The following TRIM42 variants were observed in gnomAD, a reference collection of about 807,000 sequenced individuals.
TRIM42 encodes the protein tripartite motif-containing protein 42.
In TRIM42, 59 loss-of-function variants were observed where a neutral mutation model predicts 64.9. The observed-to-expected ratio is 0.91, with a 90% confidence interval of 0.74 to 1.13. The LOEUF (loss-of-function observed/expected upper bound fraction) is 1.13, where lower values mean the gene tolerates loss of function less well. TRIM42 is among the 50% of genes most tolerant of loss of function. The probability of loss-of-function intolerance (pLI) is 0.00; values close to 1 mark genes in which losing one functional copy is unlikely to be tolerated. For synonymous variants in TRIM42, 354 were observed against 346.3 expected, an observed-to-expected ratio of 1.02 and a Z score of -0.25; for missense variants, 878 against 929.5, an observed-to-expected ratio of 0.94 and a Z score of 0.72.
intron 2 of TRIM42, among the ~76,000 whole-genome samples, chr3:140,683,362 G>A (rs370285107): frequency 5.9e-5 from 9 of 152,250 alleles, no homozygotes; most frequent in East Asian, 3.9e-4. Flanking sequence ...TAACTTCCCC[G>A]TGCCTTGCTT....
intron 4 of TRIM42, among the ~76,000 whole-genome samples, chr3:140,695,083 AAAAATT>A (rs1174509481): frequency 6.6e-6 from 1 of 151,902 alleles, no homozygotes; most frequent in Non-Finnish European, 1.5e-5. Context: ...TGTCTCTACT[AAAAATT>A]AAAAAAAAGT....
At chr3:140,682,084 A>G (rs1422798375) in intron 1 of TRIM42, among the ~76,000 whole-genome samples, 1 of 152,194 alleles carries the variant, frequency 6.6e-6, no homozygotes, top group East Asian at 1.9e-4. Context: ...ACCAAGGCCT[A>G]GCTGACAACG....
chr3:140,697,587 G>A (rs1452109644), intron 4 of TRIM42, among the ~76,000 whole-genome samples: 1 of 152,132 alleles, frequency 6.6e-6, no homozygotes, highest in Admixed American at 6.5e-5. Flanking sequence ...ACCATGTAGT[G>A]AACCAGTTTT....
chr3:140,680,629 C>G, intron 1 of TRIM42: 1 of 966,260 alleles, frequency 1.0e-6, no homozygotes, highest in Non-Finnish European at 1.2e-6. Context: ...TCCATCCAGG[C>G]ACTACATGGA....
intron 2 of TRIM42, among the ~76,000 whole-genome samples, chr3:140,684,686 C>T (rs1250993779): frequency 1.3e-5 from 2 of 152,176 alleles, no homozygotes; most frequent in East Asian, 1.9e-4. Flanking sequence ...TTGGAACCAC[C>T]ACCAGGGAAG....
Position 140,682,967 on chromosome 3 carries a change from G to A in TRIM42, c.847G>A (p.Glu283Lys), listed in dbSNP as rs1250313209. Residue 283 changes from glutamate (E) to lysine (K), a missense_variant, in exon 2 of 5, where the codon GAG (glutamate) becomes AAG (lysine). Coordinates refer to ENST00000286349, the MANE Select transcript of TRIM42 (RefSeq NM_152616.5). ...QDHVFVDTSA[E>K]EQDEKICIHH... ...CCACGTCTTTGTGGACACCAGCGCC[G>A]AGGAACAGGACGAGAAGATCTGCAT... 4 of 1,614,202 alleles carry A rather than the reference G, an allele frequency of 2.5e-6. No individual in the cohort carries two copies. Among genetic ancestry groups the A allele is most frequent in the Non-Finnish European group, 3.4e-6 (4 of 1,180,044 alleles).
chr3:140,681,569 C>G (rs1313092587), intron 1 of TRIM42, among the ~76,000 whole-genome samples: 1 of 152,040 alleles, frequency 6.6e-6, no homozygotes, highest in African/African-American at 2.4e-5. Context: ...GCAGATCACA[C>G]AGGTTCTAGG....
intron 2 of TRIM42, among the ~76,000 whole-genome samples, chr3:140,684,529 GT>G (rs1988499700): frequency 6.6e-6 from 1 of 152,196 alleles, no homozygotes; most frequent in African/African-American, 2.4e-5. Flanking sequence ...GCACAGAAAG[GT>G]CCCATTGGAT....
chr3:140,700,867 A>T, intron 4 of TRIM42, 21 bp from the exon 5 acceptor site: 1 of 1,612,454 alleles, frequency 6.2e-7, no homozygotes, highest in Non-Finnish European at 8.5e-7. Context: ...GGGTGTCATG[A>T]CTCTTCGCTT....
chr3:140,686,314 T>C (rs779700355), intron 2 of TRIM42, among the ~76,000 whole-genome samples: 22 of 152,220 alleles, frequency 1.4e-4, no homozygotes, highest in Non-Finnish European at 2.5e-4. Context: ...CGGACCCTGG[T>C]AGTTTCCCTT....
intron 4 of TRIM42, among the ~76,000 whole-genome samples, chr3:140,693,754 A>G (rs1294419927): frequency 6.6e-6 from 1 of 152,212 alleles, no homozygotes; most frequent in Non-Finnish European, 1.5e-5. Flanking sequence ...AAGTGAAATA[A>G]CACCTTTTAT....
chr3:140,679,423 G>A (rs1482451049), intron 1 of TRIM42, among the ~76,000 whole-genome samples: 3 of 152,128 alleles, frequency 2.0e-5, no homozygotes, highest in Admixed American at 2.0e-4. Context: ...TCTTAGAAGC[G>A]GAAAGATGAC....
chr3:140,697,088 A>C (rs2107767947), intron 4 of TRIM42, among the ~76,000 whole-genome samples: 1 of 152,314 alleles, frequency 6.6e-6, no homozygotes, highest in East Asian at 1.9e-4. Flanking sequence ...ATAGGCATAA[A>C]ATGATATGTC....
intron 1 of TRIM42, among the ~76,000 whole-genome samples, chr3:140,681,533 A>G (rs968744018): frequency 1.3e-5 from 2 of 152,154 alleles, no homozygotes; most frequent in African/African-American, 4.8e-5. Context: ...GCCCAGATCC[A>G]TTACCATTAC....
intron 3 of TRIM42, among the ~76,000 whole-genome samples, chr3:140,689,936 CA>C (rs1941096517): frequency 6.6e-6 from 1 of 151,896 alleles, no homozygotes; most frequent in African/African-American, 2.4e-5. Flanking sequence ...TATACCTGGG[CA>C]TGGAAAATAG....
In TRIM42 at chr3:140,691,155, A is replaced by G. The variant is rs764067765; in HGVS notation, c.2048A>G (p.Asn683Ser). ...TACGTGTTTAAAGTTAGAGCCATCA[A>G]TGATAATGGTCCTGGGCAATGGAGT... is the stretch of plus-strand genomic sequence containing the variant. ...TEYVFKVRAI[N>S]DNGPGQWSDI... is the part of the protein sequence containing the mutation. Residue 683 changes from asparagine (N) to serine (S), a missense_variant, in exon 4 of 5, where the codon AAT (asparagine) becomes AGT (serine). By Grantham distance (46) the Asn-to-Ser change is conservative. Coordinates refer to ENST00000286349, the MANE Select transcript of TRIM42 (RefSeq NM_152616.5). 4.7e-5 allele frequency: 76 copies of G among 1,614,062 alleles called. No homozygotes were observed. The Admixed American group carries it at 4.8e-4, about 10-fold the overall frequency.
Position 140,678,158 on chromosome 3 carries a change from G to A in TRIM42, c.-72G>A. The A allele has an allele frequency of 7.3e-7, 1 of 1,371,434 alleles. No homozygotes were observed. Among genetic ancestry groups the A allele is most frequent in the East Asian group, 2.3e-5 (1 of 43,422 alleles). 85.0% of individuals were successfully genotyped at this position (1,371,434 alleles called of 1,614,324 possible). On this transcript the variant is annotated 5_prime_UTR_variant, in exon 1 of 5. Coordinates refer to ENST00000286349, the MANE Select transcript of TRIM42 (RefSeq NM_152616.5). ...TGGGAGGAAGGACTCCTCCACTGGA[G>A]AACTGATAGCAGTATTCTGGTAGAG... is the stretch of plus-strand genomic sequence containing the variant.
chr3:140,697,661 GT>G (rs914130449), intron 4 of TRIM42, among the ~76,000 whole-genome samples: 3 of 151,678 alleles, frequency 2.0e-5, no homozygotes, highest in Non-Finnish European at 2.9e-5. Flanking sequence ...GCCACTTTTG[GT>G]TTTTTTGTTT....
At chr3:140,690,288 G>A (rs558583402) in intron 3 of TRIM42, among the ~76,000 whole-genome samples, 1 of 151,782 alleles carries the variant, frequency 6.6e-6, no homozygotes, top group Non-Finnish European at 1.5e-5. Context: ...TTAGTTCTAG[G>A]AATCTCTTCC....
Sources: gnomAD v4.1 joint callset for allele counts (sites outside exome capture counted in the v4.1 genomes callset) on GRCh38, gnomAD v4.1.1 for gene constraint, MANE v1.5 for transcripts, NCBI Gene and HGNC (gene_info 2026-07-23, HGNC 2026-07-21) for gene names.